Variants in NDFIP1 observed in about 807,000 individuals in gnomAD.
NDFIP1 encodes Nedd4 family interacting protein 1, also known as NEDD4 family-interacting protein 1.
Under a neutral mutation model 28.8 loss-of-function variants are expected in NDFIP1, and 7 were observed. The observed-to-expected ratio is 0.24, with a 90% CI of 0.14 to 0.46. The LOEUF (loss-of-function observed/expected upper bound fraction) is 0.46. Among genes scored for constraint, NDFIP1 ranks in the 20% least tolerant of loss-of-function variants. NDFIP1 has a pLI of 0.99. For missense variants in NDFIP1, 194 were observed against 269.1 expected (o/e 0.72, Z 1.95); for synonymous variants, 92 against 101.0 (o/e 0.91, Z 0.53).
At position 142,126,676 on chromosome 5, in the gene NDFIP1, GGTCCTGCCA is replaced by G. The variant is rs1167996001; in HGVS notation, c.64-5131_64-5123del. 4.6e-5 allele frequency among the ~76,000 whole-genome samples: 7 copies of G among 152,008 alleles called. No homozygotes were observed. In the South Asian group the frequency reaches 6.2e-4, roughly 13 times the overall value. On this transcript the variant is annotated intron_variant, in intron 1 of 7. Coordinates refer to ENST00000253814, the MANE Select transcript of NDFIP1 (RefSeq NM_030571.4). ...CAAGAATGACTTTTAAGTGCCTTTA[GGTCCTGCCA>G]TTTGCTACAGTTATAAATGTTGCCC... is the stretch of plus-strand genomic sequence containing the variant.
intron 6 of NDFIP1, among the ~76,000 whole-genome samples, chr5:142,141,746 G>A (rs190051018): frequency 6.2e-4 from 94 of 152,128 alleles, no homozygotes; most frequent in African/African-American, 2.1e-3. Flanking sequence ...TTTGCTTCTT[G>A]TTGCCCCCTT....
At chr5:142,113,214 A>G (rs1018180509) in intron 1 of NDFIP1, among the ~76,000 whole-genome samples, 1 of 152,208 alleles carries the variant, frequency 6.6e-6, no homozygotes, top group African/African-American at 2.4e-5. Flanking sequence ...TGATGACATT[A>G]TAGTGCAGAT....
intron 3 of NDFIP1, among the ~76,000 whole-genome samples, chr5:142,135,003 G>C (rs953908359): frequency 2.6e-5 from 4 of 151,760 alleles, no homozygotes; most frequent in Non-Finnish European, 4.4e-5. Context: ...TTTTGAGACG[G>C]AGTCTCACTC....
At chr5:142,132,833 T>G (rs1757240389) in intron 3 of NDFIP1, among the ~76,000 whole-genome samples, 1 of 152,234 alleles carries the variant, frequency 6.6e-6, no homozygotes. Flanking sequence ...TCTAGCCTGA[T>G]GTTGATTCAT....
At position 142,131,847 on chromosome 5, in the gene NDFIP1, G is replaced by C; in HGVS notation, c.103G>C (p.Ala35Pro). Residue 35 changes from alanine (A) to proline (P), a missense_variant, in exon 2 of 8, where the codon GCA (alanine) becomes CCA (proline). Ala to Pro is a conservative substitution (Grantham distance 27). Transcript: ENST00000253814. ...AGAGTCTGGAGAACCTGAACAGGCTGCAGGTGATGCTCCTCCACCTTACAG... is the reference window on the plus strand; with the variant it reads ...AGAGTCTGGAGAACCTGAACAGGCTCCAGGTGATGCTCCTCCACCTTACAG... ...EEESGEPEQA[A>P]GDAPPPYSSI... 1 of 1,601,888 alleles carries C rather than the reference G, an allele frequency of 6.2e-7. No homozygotes were observed. The highest frequency in any genetic ancestry group is 8.5e-7 in the Non-Finnish European group (1 of 1,176,440).
At chr5:142,134,210 AAACATT>A (rs1386279278) in intron 3 of NDFIP1, 2 of 152,232 alleles carry the variant, frequency 1.3e-5, no homozygotes, top group Admixed American at 6.5e-5. Context: ...GGTGTTTTGG[AAACATT>A]AACTTGGCAG....
rs1028533775 is a variant in NDFIP1 at position 142,134,767 on chromosome 5, T to C, written c.283-963T>C. ...CATGTGTTGGTATTGTTCATGATCA[T>C]GTTATTTCTAGTTTTGCAATATTAC... On this transcript the variant is annotated intron_variant, in intron 3 of 7. Coordinates refer to ENST00000253814, the MANE Select transcript of NDFIP1 (RefSeq NM_030571.4). Among the ~76,000 whole-genome samples the C allele has an allele frequency of 4.6e-5, 7 of 152,228 alleles. No homozygotes were observed. The South Asian group carries it at 6.2e-4, about 13-fold the overall frequency.
chr5:142,148,777 A>AG (rs1554092475), intron 7 of NDFIP1, among the ~76,000 whole-genome samples: 21,454 of 95,194 alleles, frequency 0.23, 6,354 homozygotes, highest in Non-Finnish European at 0.31. Flanking sequence ...AAAAAAAAAA[A>AG]GTATGTGACT....
intron 5 of NDFIP1, chr5:142,138,169 A>C (rs1313674777): frequency 5.4e-6 from 1 of 184,762 alleles, no homozygotes; most frequent in Non-Finnish European, 1.1e-5. Context: ...AATAAAAGGA[A>C]GGATATTACC....
At chr5:142,115,369 C>T (rs10068717) in intron 1 of NDFIP1, among the ~76,000 whole-genome samples, 101,815 of 151,810 alleles carry the variant, frequency 0.67, 34,433 homozygotes, top group African/African-American at 0.76. Flanking sequence ...CTGCAACCTC[C>T]GCCTCCCAGG....
At chr5:142,146,384 T>A (rs766114449) in intron 7 of NDFIP1, among the ~76,000 whole-genome samples, 1 of 152,234 alleles carries the variant, frequency 6.6e-6, no homozygotes, top group East Asian at 1.9e-4. Flanking sequence ...AAGAGACTTA[T>A]TAGATATTCT....
chr5:142,144,825 G>A (rs966089314), intron 7 of NDFIP1, 149 bp downstream of exon 7: 5 of 491,096 alleles, frequency 1.0e-5, no homozygotes, highest in African/African-American at 9.8e-5. Flanking sequence ...TTCTTGTCTA[G>A]TAACAGGGAT....
chr5:142,122,307 C>G (rs1214335751), intron 1 of NDFIP1, among the ~76,000 whole-genome samples: 2 of 152,212 alleles, frequency 1.3e-5, no homozygotes, highest in Non-Finnish European at 2.9e-5. Context: ...GCTTCTTTTG[C>G]TCAACATGAT....
chr5:142,110,061 G>A lies in NDFIP1; in HGVS notation c.63+1024G>A, dbSNP rs139430097. ...CTACAATTTTATATTTTAGAAGTAA[G>A]GAAAGCCAGCCAGTACGATGAAAAC... On this transcript the variant is annotated intron_variant, in intron 1 of 7. Coordinates refer to ENST00000253814, the MANE Select transcript of NDFIP1 (RefSeq NM_030571.4). Among the ~76,000 whole-genome samples, 409 of 151,678 alleles carry A rather than the reference G, an allele frequency of 2.7e-3. 2 individuals are homozygous for A. Among genetic ancestry groups the A allele is most frequent in the African/African-American group, 9.5e-3 (391 of 41,200 alleles).
chr5:142,152,931 T>C lies in NDFIP1; in HGVS notation c.*1203T>C, dbSNP rs980944527. 1 of 202,218 alleles carries C rather than the reference T, an allele frequency of 4.9e-6. No homozygotes were observed. Among genetic ancestry groups the C allele is most frequent in the African/African-American group, 2.4e-5 (1 of 42,238 alleles). The allele number at this position is 202,218 out of a possible 1,614,324, so 12.5% of individuals were successfully genotyped here. A position where few individuals can be genotyped will look rare whatever the true frequency, so the allele number is the denominator to read the frequency against. ...ATTTTCAGCACAAGAAGTCCTCTTATATCCTACTAAATACATTCCTAAAAA... is the reference window on the plus strand; with the variant it reads ...ATTTTCAGCACAAGAAGTCCTCTTACATCCTACTAAATACATTCCTAAAAA... On this transcript the variant is annotated 3_prime_UTR_variant, in exon 8 of 8. Coordinates refer to ENST00000253814, the MANE Select transcript of NDFIP1 (RefSeq NM_030571.4).
At chr5:142,115,415 C>T (rs1286566671) in intron 1 of NDFIP1, among the ~76,000 whole-genome samples, 2 of 152,088 alleles carry the variant, frequency 1.3e-5, no homozygotes, top group Non-Finnish European at 2.9e-5. Flanking sequence ...TCCTGAGTAG[C>T]TGGGATTACA....
chr5:142,137,479 A>G (rs1344342940), intron 4 of NDFIP1, among the ~76,000 whole-genome samples: 1 of 152,322 alleles, frequency 6.6e-6, no homozygotes, highest in Non-Finnish European at 1.5e-5. Context: ...TATTGTGCTC[A>G]GCCTATTAAG....
chr5:142,144,761 T>C (rs1175234382), intron 7 of NDFIP1, 85 bp downstream of exon 7: 2 of 827,452 alleles, frequency 2.4e-6, no homozygotes, highest in African/African-American at 3.5e-5. Context: ...TAAGTATCTG[T>C]GATAGGGGCA....
chr5:142,145,562 G>T (rs939893482), intron 7 of NDFIP1, among the ~76,000 whole-genome samples: 1 of 152,104 alleles, frequency 6.6e-6, no homozygotes, highest in Non-Finnish European at 1.5e-5. Context: ...TAAAGGATAG[G>T]TGGTGTAGTT....
Sources: gnomAD v4.1 joint callset for allele counts (sites outside exome capture counted in the v4.1 genomes callset) on GRCh38, gnomAD v4.1.1 for gene constraint, MANE v1.5 for transcripts, NCBI Gene and HGNC (gene_info 2026-07-23, HGNC 2026-07-21) for gene names.